Variants in PPM1E observed in about 807,000 individuals in gnomAD.
PPM1E encodes protein phosphatase, Mg2+/Mn2+ dependent 1E, also known as protein phosphatase 1E.
Under a neutral mutation model 65.9 loss-of-function variants are expected in PPM1E, and 20 were observed. The ratio of observed to expected loss-of-function variants is 0.30; its 90% CI spans 0.21 to 0.44. PPM1E has a LOEUF of 0.44. Ranked by LOEUF, PPM1E falls within the 20% of genes least tolerant of loss-of-function variation. The pLI, the probability that PPM1E is intolerant of heterozygous loss-of-function variation, is 1.00. For synonymous variants in PPM1E, 352 were observed against 374.9 expected (o/e 0.94, Z 0.70); for missense variants, 713 against 953.1 (o/e 0.75, Z 3.32).
chr17:58,979,492 T>G (rs1478472839), intron 6 of PPM1E, among the ~76,000 whole-genome samples: 1 of 152,192 alleles, frequency 6.6e-6, no homozygotes, highest in Non-Finnish European at 1.5e-5. Context: ...TAAACAAGAA[T>G]AGAACAAAAA....
intron 1 of PPM1E, among the ~76,000 whole-genome samples, chr17:58,833,116 A>T (rs988586245): frequency 6.6e-6 from 1 of 150,872 alleles, no homozygotes; most frequent in Non-Finnish European, 1.5e-5. Flanking sequence ...TACAATCCTT[A>T]AAAAAAAATG....
intron 1 of PPM1E, among the ~76,000 whole-genome samples, chr17:58,822,410 A>C (rs937499056): frequency 1.8e-4 from 27 of 151,664 alleles, no homozygotes; most frequent in African/African-American, 6.5e-4. Context: ...TCTCCAAAAC[A>C]AGAGGGAATA....
intron 2 of PPM1E, among the ~76,000 whole-genome samples, chr17:58,956,429 C>CT (rs763143763): frequency 2.7e-5 from 4 of 147,596 alleles, no homozygotes; most frequent in East Asian, 3.9e-4. Flanking sequence ...GAGTGAAACT[C>CT]TGTCTCAAAA....
rs553710267 is a variant in PPM1E, at chr17:58,969,991, G to A, written c.972+264G>A. The stretch of plus-strand genomic sequence containing the variant: ...GTAATAACTGCTGGATTTGGCAGGT[G>A]AGTTTCATCTTTCTTTTATTCACCA... On this transcript the variant is annotated intron_variant, in intron 4 of 6. Coordinates refer to ENST00000308249, the MANE Select transcript of PPM1E (RefSeq NM_014906.5). 2.6e-5 allele frequency among the ~76,000 whole-genome samples: 4 copies of A among 152,298 alleles called. No individual in the cohort carries two copies. In the East Asian group the frequency reaches 7.7e-4, roughly 29 times the overall value.
intron 1 of PPM1E, among the ~76,000 whole-genome samples, chr17:58,857,815 T>G (rs1199092134): frequency 6.6e-6 from 1 of 152,126 alleles, no homozygotes; most frequent in Non-Finnish European, 1.5e-5. Context: ...TTTAAAAAAA[T>G]TAATTCATAA....
intron 1 of PPM1E, among the ~76,000 whole-genome samples, chr17:58,927,167 C>T (rs1335360991): frequency 1.4e-5 from 2 of 146,744 alleles, no homozygotes; most frequent in African/African-American, 5.1e-5. Context: ...CGCTCTGTCG[C>T]CCAGGCTGGA....
chr17:58,949,863 A>T (rs1221752666), intron 1 of PPM1E, among the ~76,000 whole-genome samples: 4 of 152,164 alleles, frequency 2.6e-5, no homozygotes, highest in Non-Finnish European at 5.9e-5. Context: ...TTTTTGAAGA[A>T]TAGCTTTCCT....
At chr17:58,913,682 G>C (rs528998331) in intron 1 of PPM1E, among the ~76,000 whole-genome samples, 1 of 152,298 alleles carries the variant, frequency 6.6e-6, no homozygotes, top group South Asian at 2.1e-4. Flanking sequence ...TGAACTCATA[G>C]GGAATCTAAG....
chr17:58,876,613 AATTT>A (rs1300703306), intron 1 of PPM1E, among the ~76,000 whole-genome samples: 3 of 152,200 alleles, frequency 2.0e-5, no homozygotes, highest in Admixed American at 6.5e-5. Flanking sequence ...AAAACTTGAA[AATTT>A]ATTTATGGAA....
intron 1 of PPM1E, among the ~76,000 whole-genome samples, chr17:58,853,070 A>G (rs1363798275): frequency 2.6e-5 from 4 of 152,242 alleles, no homozygotes; most frequent in Non-Finnish European, 5.9e-5. Flanking sequence ...CTCTGTTGAT[A>G]GTGTCTTTTG....
intron 1 of PPM1E, among the ~76,000 whole-genome samples, chr17:58,871,125 C>T (rs1197491539): frequency 1.3e-5 from 2 of 152,082 alleles, no homozygotes; most frequent in Non-Finnish European, 2.9e-5. Flanking sequence ...GCCTCGAATT[C>T]CTGGTCTCAA....
intron 1 of PPM1E, among the ~76,000 whole-genome samples, chr17:58,934,087 CA>C (rs11316368): frequency 0.4 from 32,313 of 80,032 alleles, 2,823 homozygotes; most frequent in Middle Eastern, 0.46. Flanking sequence ...GACTTCGTAT[CA>C]AAAAAAAAAA....
chr17:58,877,220 A>G (rs951210162), intron 1 of PPM1E, among the ~76,000 whole-genome samples: 4 of 152,236 alleles, frequency 2.6e-5, no homozygotes, highest in African/African-American at 9.6e-5. Flanking sequence ...TGCATAGCCA[A>G]CATAGGTAGC....
At chr17:58,811,010 A>C (rs2050361544) in intron 1 of PPM1E, among the ~76,000 whole-genome samples, 1 of 152,068 alleles carries the variant, frequency 6.6e-6, no homozygotes, top group African/African-American at 2.4e-5. Context: ...GGCACGCGCT[A>C]CTATGCCTGG....
At chr17:58,826,734 T>G (rs1333138652) in intron 1 of PPM1E, among the ~76,000 whole-genome samples, 3 of 152,030 alleles carry the variant, frequency 2.0e-5, no homozygotes, top group Admixed American at 1.3e-4. Context: ...CAAGCGATTT[T>G]TCTGCCTCAC....
intron 1 of PPM1E, among the ~76,000 whole-genome samples, chr17:58,876,526 G>T (rs913021264): frequency 3.3e-5 from 5 of 152,058 alleles, no homozygotes; most frequent in African/African-American, 1.2e-4. Flanking sequence ...TATAGGAAAT[G>T]GAAATACTGG....
In PPM1E at chr17:58,810,531, C is replaced by G. The variant is rs144914994; in HGVS notation, c.464+54070C>G. On this transcript the variant is annotated intron_variant, in intron 1 of 6. Transcript: ENST00000308249. Reference sequence around the variant, plus strand: ...CTGTGTACTTTACATTGCATTTCAACAGGAAGCAAATAATATATATATATT... The same window carrying G: ...CTGTGTACTTTACATTGCATTTCAAGAGGAAGCAAATAATATATATATATT... 5.3e-4 allele frequency among the ~76,000 whole-genome samples: 81 copies of G among 152,222 alleles called. 2 individuals are homozygous for G. In the Middle Eastern group the frequency reaches 0.017, roughly 32 times the overall value.
In PPM1E at chr17:58,973,414, C is replaced by CA. The variant is rs36102576; in HGVS notation, c.1210+504dup. On this transcript the variant is annotated intron_variant, in intron 6 of 6. Transcript: ENST00000308249. ...CCTGGGTGACAGTGTGAGACTGTCT[C>CA]AAAAAAAAAAAAAAAGAGAACCATA... 6.5e-3 allele frequency among the ~76,000 whole-genome samples: 766 copies of CA among 117,718 alleles called. 5 individuals carry two copies. Among genetic ancestry groups the CA allele is most frequent in the African/African-American group, 0.021 (653 of 31,462 alleles). The allele number at this position is 117,718 out of a possible 152,430, so 77.2% of individuals were successfully genotyped here. A position where few individuals can be genotyped will look rare whatever the true frequency, so the allele number is the denominator to read the frequency against.
Position 58,964,167 on chromosome 17 carries a change from G to C in PPM1E, c.584-1527G>C, listed in dbSNP as rs188580825. Among the ~76,000 whole-genome samples, 12 of 152,210 alleles carry C rather than the reference G, an allele frequency of 7.9e-5. No individual in the cohort carries two copies. In the East Asian group the frequency reaches 2.3e-3, roughly 29 times the overall value. On this transcript the variant is annotated intron_variant, in intron 2 of 6. Coordinates refer to ENST00000308249, the MANE Select transcript of PPM1E (RefSeq NM_014906.5). The stretch of plus-strand genomic sequence containing the variant: ...GTATTCTAGATTGGAGGAGGCACGT[G>C]TAGCCATTGCCATCTGTCACTTATT...
Sources: gnomAD v4.1 joint callset for allele counts (sites outside exome capture counted in the v4.1 genomes callset) on GRCh38, gnomAD v4.1.1 for gene constraint, MANE v1.5 for transcripts, NCBI Gene and HGNC (gene_info 2026-07-23, HGNC 2026-07-21) for gene names.